The following CLK2 variants were observed in gnomAD, a reference collection of about 807,000 sequenced individuals.
CLK2 encodes the protein CDC like kinase 2, also known as dual specificity protein kinase CLK2.
In CLK2, 12 loss-of-function variants were observed where a neutral mutation model predicts 73.5. The observed-to-expected ratio is 0.16, with a 90% CI of 0.10 to 0.26. The LOEUF is 0.26. Ranked by LOEUF, CLK2 falls within the 10% of genes least tolerant of loss-of-function variation. The pLI is 1.00. For missense variants in CLK2, 509 were observed against 688.4 expected, an observed-to-expected ratio of 0.74 and a Z score of 2.92; for synonymous variants, 232 against 237.9, an observed-to-expected ratio of 0.98 and a Z score of 0.23.
At chr1:155,265,678 C>T (rs1673200728) in intron 8 of CLK2, among the ~76,000 whole-genome samples, 182 bp downstream of exon 8, 1 of 152,116 alleles carries the variant, frequency 6.6e-6, no homozygotes, top group Non-Finnish European at 1.5e-5. Context: ...AAGTTATCTC[C>T]CAATTTAAGT....
intron 8 of CLK2, 49 bp from the exon 9 acceptor site, chr1:155,264,823 T>G (rs1673151366): frequency 6.2e-7 from 1 of 1,604,872 alleles, no homozygotes. Context: ...AGACTGAGAT[T>G]CCACCAGTAT....
Position 155,263,358 on chromosome 1 carries a change from C to G in CLK2, c.1360G>C (p.Asp454His). Reference sequence around the variant, plus strand: ...TACTCTAGCATGCTTTCAATCAGATCGAAGAGCTGGTGGTGTTCCTCTGCC... The same window carrying G: ...TACTCTAGCATGCTTTCAATCAGATGGAAGAGCTGGTGGTGTTCCTCTGCC... ...SEAEEHHQLF[D>H]LIESMLEYEP... Residue 454 changes from aspartate (D) to histidine (H), a missense_variant, in exon 13 of 13, where the codon GAT becomes CAT. Transcript: ENST00000368361. The G allele has an allele frequency of 6.2e-7, 1 of 1,614,148 alleles. No homozygotes were observed. The highest frequency in any genetic ancestry group is 8.5e-7 in the Non-Finnish European group (1 of 1,180,050).
intron 8 of CLK2, among the ~76,000 whole-genome samples, chr1:155,265,456 A>T (rs977963717): frequency 6.6e-5 from 10 of 151,894 alleles, no homozygotes; most frequent in African/African-American, 2.4e-4. Flanking sequence ...AATCCCAGCT[A>T]CTCCAGAGGC....
chr1:155,271,004 G>T (rs1673478324), intron 1 of CLK2, 27 bp from the exon 2 acceptor site: 2 of 1,596,940 alleles, frequency 1.3e-6, no homozygotes, highest in Non-Finnish European at 1.7e-6. Flanking sequence ...AGCGGAAATA[G>T]GAAAGTTTCG....
At position 155,269,744 on chromosome 1, in the gene CLK2, G is replaced by A. The variant is rs370911408; in HGVS notation, c.171-28C>T. 8.1e-6 allele frequency: 13 copies of A among 1,595,886 alleles called. No individual in the cohort carries two copies. The Admixed American group carries it at 1.0e-4, about 12-fold the overall frequency. On this transcript the variant is annotated intron_variant, in intron 2 of 12. Transcript: ENST00000368361. ...GTTGGATAACAAATACCAATGAGGT[G>A]TATCTGTTCAGATCACATTCCCTAC...
intron 2 of CLK2, 118 bp from the exon 3 acceptor site, chr1:155,269,834 A>G (rs929853635): frequency 4.3e-5 from 38 of 880,480 alleles, no homozygotes; most frequent in Admixed American, 8.1e-5. Flanking sequence ...CTGTTCTCAG[A>G]CACTTGTTGA....
At position 155,264,217 on chromosome 1, in the gene CLK2, TC is replaced by T. The variant is rs761945745; in HGVS notation, c.1226+3del. The T allele has an allele frequency of 1.2e-6, 2 of 1,614,074 alleles. No homozygotes were observed. The highest frequency in any genetic ancestry group is 1.7e-6 in the Non-Finnish European group (2 of 1,179,928). On this transcript the variant is annotated splice_donor_region_variant and intron_variant, in intron 11 of 12. Coordinates refer to ENST00000368361, the MANE Select transcript of CLK2 (RefSeq NM_001294338.2). The stretch of plus-strand genomic sequence containing the variant: ...GAGTTAACTAGTGCCCCCTCAAGGT[TC>T]ACCTTGTCTTTCGGATCATCCGGGA...
Position 155,264,564 on chromosome 1 carries a change from G to A in CLK2, c.1064-14C>T. ...ACCAGCCCAACTCTGGGTGAGAATG[G>A]GAGGGAAAAGGTGTTATGAGGCTTA... On this transcript the variant is annotated splice_polypyrimidine_tract_variant and intron_variant, in intron 9 of 12. Coordinates refer to ENST00000368361, the MANE Select transcript of CLK2 (RefSeq NM_001294338.2). The A allele has an allele frequency of 6.2e-7, 1 of 1,614,208 alleles. No homozygotes were observed. The highest frequency in any genetic ancestry group is 1.1e-5 in the South Asian group (1 of 91,090).
chr1:155,272,988 A>G (rs1379099030), intron 1 of CLK2, among the ~76,000 whole-genome samples: 6 of 151,930 alleles, frequency 3.9e-5, no homozygotes, highest in Non-Finnish European at 5.9e-5. Context: ...CATCCCTTCT[A>G]GTCTGGTTCC....
intron 2 of CLK2, 22 bp downstream of exon 2, chr1:155,270,786 G>A (rs574196004): frequency 1.3e-6 from 2 of 1,594,002 alleles, no homozygotes; most frequent in Admixed American, 3.4e-5. Context: ...CTGTGTTTGA[G>A]TATCTCTTCC....
rs1673046076 is a variant in CLK2 at position 155,263,057 on chromosome 1, C to T, written c.*161G>A. The T allele has an allele frequency of 1.5e-6, 1 of 688,440 alleles. No individual in the cohort carries two copies. The highest frequency in any genetic ancestry group is 2.0e-5 in the South Asian group (1 of 48,942). 42.6% of individuals were successfully genotyped at this position (688,440 alleles called of 1,614,324 possible). A position where few individuals can be genotyped will look rare whatever the true frequency, so the allele number is the denominator to read the frequency against. On this transcript the variant is annotated 3_prime_UTR_variant, in exon 13 of 13. Transcript: ENST00000368361. ...AAGGCAGGGGTTGAAGTGATAGGTACAAGTTCTTTCATATTTACACTATTT... is the reference window on the plus strand; with the variant it reads ...AAGGCAGGGGTTGAAGTGATAGGTATAAGTTCTTTCATATTTACACTATTT...
In CLK2 at chr1:155,268,108, G is replaced by T; in HGVS notation, c.573C>A (p.Ala191=). 6.2e-7 allele frequency: 1 copy of T among 1,614,006 alleles called. No individual in the cohort carries two copies. The highest frequency in any genetic ancestry group is 8.5e-7 in the Non-Finnish European group (1 of 1,179,970). ...TCTCCACATTCTTAATGATCTTCAGGGCAACTCGAGCCCCACCCCTGTAAG... is the reference window on the plus strand; with the variant it reads ...TCTCCACATTCTTAATGATCTTCAGTGCAACTCGAGCCCCACCCCTGTAAG... ...VDHRRGGARV[A]LKIIKNVEKY... Residue 191 remains alanine, a synonymous_variant, in exon 6 of 13, where the codon GCC becomes GCA. Coordinates refer to ENST00000368361, the MANE Select transcript of CLK2 (RefSeq NM_001294338.2). The surrounding 1 kb of genome is among the most constrained non-coding windows in gnomAD (Gnocchi z 5.6).
Position 155,268,453 on chromosome 1 carries a change from G to A in CLK2, c.488-94C>T. ...AAAAAAGGGGACAGCAACCTGGGGT[G>A]GAGATGAAGGAAGGGGAACAGATAC... On this transcript the variant is annotated intron_variant, in intron 4 of 12. Coordinates refer to ENST00000368361, the MANE Select transcript of CLK2 (RefSeq NM_001294338.2). This position sits in a 1 kb window ranked among gnomAD's most constrained non-coding sequence, Gnocchi z 5.6. The A allele has an allele frequency of 2.0e-6, 2 of 996,714 alleles. No individual in the cohort carries two copies. The highest frequency in any genetic ancestry group is 1.9e-5 in the Admixed American group (1 of 52,664). The allele number at this position is 996,714 out of a possible 1,614,324, so 61.7% of individuals were successfully genotyped here.
chr1:155,263,553 G>A, intron 12 of CLK2, 153 bp from the exon 13 acceptor site: 1 of 985,344 alleles, frequency 1.0e-6, no homozygotes, highest in East Asian at 1.1e-4. Flanking sequence ...CAACGTTTCT[G>A]ATATTATAGC....
rs746984465 is a variant in CLK2, at chr1:155,268,099, G to T, written c.582C>A (p.Ile194=). 1 of 1,614,108 alleles carries T rather than the reference G, an allele frequency of 6.2e-7. No individual in the cohort carries two copies. Among genetic ancestry groups the T allele is most frequent in the Non-Finnish European group, 8.5e-7 (1 of 1,179,994 alleles). ...RRGGARVALK[I]IKNVEKYKEA... ...CCTTGTACTTCTCCACATTCTTAATGATCTTCAGGGCAACTCGAGCCCCAC... is the reference window on the plus strand; with the variant it reads ...CCTTGTACTTCTCCACATTCTTAATTATCTTCAGGGCAACTCGAGCCCCAC... The change falls in exon 6 of 13, where the codon ATC becomes ATA. Residue 194 remains isoleucine, a synonymous_variant. Coordinates refer to ENST00000368361, the MANE Select transcript of CLK2 (RefSeq NM_001294338.2). The surrounding 1 kb of genome is among the most constrained non-coding windows in gnomAD (Gnocchi z 5.6).
rs754408074 is a variant in CLK2, at chr1:155,273,500, C to A, written c.-300G>T. On this transcript the variant is annotated 5_prime_UTR_variant, in exon 1 of 13. Coordinates refer to ENST00000368361, the MANE Select transcript of CLK2 (RefSeq NM_001294338.2). ...CGCCGCCGCCGTGAGCGAGCACGTA[C>A]GCACGGACCGACGTCCTGCGTCGCT... is the stretch of plus-strand genomic sequence containing the variant. 73 of 152,690 alleles carry A rather than the reference C, an allele frequency of 4.8e-4. No individual in the cohort carries two copies. The highest frequency in any genetic ancestry group is 8.2e-4 in the Non-Finnish European group (56 of 68,354). The allele number at this position is 152,690 out of a possible 1,614,324, so 9.5% of individuals were successfully genotyped here. A position where few individuals can be genotyped will look rare whatever the true frequency, so the allele number is the denominator to read the frequency against.
chr1:155,271,148 G>A (rs1305896415), intron 1 of CLK2, among the ~76,000 whole-genome samples, 171 bp from the exon 2 acceptor site: 1 of 152,094 alleles, frequency 6.6e-6, no homozygotes, highest in East Asian at 1.9e-4. Flanking sequence ...CCTTATTGGA[G>A]TACAGCCACC....
chr1:155,269,298 C>G (rs1217580729), intron 3 of CLK2, 190 bp downstream of exon 3: 6 of 615,748 alleles, frequency 9.7e-6, no homozygotes, highest in Non-Finnish European at 2.9e-6. Flanking sequence ...TGCTCCGTGC[C>G]CATCCATCTC....
In CLK2 at chr1:155,268,900, G is replaced by A; in HGVS notation, c.400-105C>T. 1 of 710,272 alleles carries A rather than the reference G, an allele frequency of 1.4e-6. No individual in the cohort carries two copies. The highest frequency in any genetic ancestry group is 1.5e-5 in the South Asian group (1 of 66,898). 44.0% of individuals were successfully genotyped at this position (710,272 alleles called of 1,614,324 possible). A position where few individuals can be genotyped will look rare whatever the true frequency, so the allele number is the denominator to read the frequency against. Reference sequence around the variant, plus strand: ...GTCACCGGTCACAGGCGCCCAGCCAGGGGGGACAGACGATGATGGGGGACA... The same window carrying A: ...GTCACCGGTCACAGGCGCCCAGCCAAGGGGGACAGACGATGATGGGGGACA... On this transcript the variant is annotated intron_variant, in intron 3 of 12. Coordinates refer to ENST00000368361, the MANE Select transcript of CLK2 (RefSeq NM_001294338.2). The surrounding 1 kb of genome is among the most constrained non-coding windows in gnomAD (Gnocchi z 5.6).
Sources: allele counts gnomAD v4.1 joint callset (sites outside exome capture counted in the v4.1 genomes callset), GRCh38; gene constraint gnomAD v4.1.1; non-coding constraint Gnocchi (gnomAD v3.1); transcripts MANE v1.5; gene names NCBI Gene and HGNC (gene_info 2026-07-23, HGNC 2026-07-21).